NBR1: variants seen among roughly 807,000 people sequenced by gnomAD.
The protein encoded by NBR1 is next to BRCA1 gene 1 protein.
Under a neutral mutation model 115.5 loss-of-function variants are expected in NBR1, and 59 were observed. The ratio of observed to expected loss-of-function variants is 0.51; its 90% CI spans 0.41 to 0.63. The LOEUF is 0.63. Ranked by LOEUF, NBR1 falls within the 30% of genes least tolerant of loss-of-function variation. The probability of loss-of-function intolerance (pLI) is 0.00; values close to 1 mark genes in which losing one functional copy is unlikely to be tolerated. For missense variants in NBR1, 1,043 were observed against 1,150.5 expected (o/e 0.91, Z 1.35); for synonymous variants, 373 against 414.7 (o/e 0.90, Z 1.22).
Position 43,205,906 on chromosome 17 carries a change from G to A in NBR1, c.2727+2120G>A, listed in dbSNP as rs1201481593. On this transcript the variant is annotated intron_variant, in intron 20 of 20. Transcript: ENST00000590996. The stretch of plus-strand genomic sequence containing the variant: ...AAAAAAAAAAAAAAAAAGGCTGGGT[G>A]TGGTGGCTCACGCCTGTAATCTCAA... Among the ~76,000 whole-genome samples the A allele has an allele frequency of 3.3e-5, 5 of 150,222 alleles. No homozygotes were observed. In the East Asian group the frequency reaches 9.8e-4, roughly 30 times the overall value.
Position 43,200,196 on chromosome 17 carries a change from G to A in NBR1, c.2056G>A (p.Gly686Arg), listed in dbSNP as rs2057162622. Reference sequence around the variant, plus strand: ...ATTTGCCTTGCCTGAAGGACCACTTGGAAATGAGAAGGAGGAGATTATCCA... The same window carrying A: ...ATTTGCCTTGCCTGAAGGACCACTTAGAAATGAGAAGGAGGAGATTATCCA... Reference protein sequence around the residue: ...MTFALPEGPLGNEKEEIIHIA... With the variant: ...MTFALPEGPLRNEKEEIIHIA... The change falls in exon 17 of 21, where the codon GGA becomes AGA. Residue 686 changes from glycine to arginine, a missense_variant. Transcript: ENST00000590996. 4 of 1,549,900 alleles carry A rather than the reference G, an allele frequency of 2.6e-6. No homozygotes were observed. The Admixed American group carries it at 7.9e-5, about 30-fold the overall frequency.
chr17:43,209,701 T>C, intron 20 of NBR1, 200 bp from the exon 21 acceptor site: 2 of 1,534,274 alleles, frequency 1.3e-6, no homozygotes, highest in Non-Finnish European at 1.7e-6. Flanking sequence ...CACAGATAAC[T>C]AATCTAAAAT....
chr17:43,193,661 T>C (rs1326650503), intron 12 of NBR1, 23 bp downstream of exon 12: 2 of 1,585,226 alleles, frequency 1.3e-6, no homozygotes, highest in Admixed American at 3.6e-5. Flanking sequence ...TGACAGGCTT[T>C]GGCCTAGTAT....
Position 43,190,791 on chromosome 17 carries a change from A to G in NBR1, c.863+15A>G, listed in dbSNP as rs183182913. 1.3e-5 allele frequency: 20 copies of G among 1,569,850 alleles called. 2 individuals are homozygous for G. The highest frequency in any genetic ancestry group is 6.8e-5 in the African/African-American group (5 of 74,018). On this transcript the variant is annotated intron_variant, in intron 9 of 20. Transcript: ENST00000590996. ...GAACAAGTCAGGTAAAACCCTCTACATGGAGATGCTTATTCTCTGATTGAC... is the reference window on the plus strand; with the variant it reads ...GAACAAGTCAGGTAAAACCCTCTACGTGGAGATGCTTATTCTCTGATTGAC...
chr17:43,206,153 G>A (rs2057311832), intron 20 of NBR1, among the ~76,000 whole-genome samples: 1 of 150,244 alleles, frequency 6.7e-6, no homozygotes, highest in African/African-American at 2.5e-5. Context: ...TTCAGCCTGG[G>A]TGACAGAGCG....
chr17:43,170,759 C>A (rs2056332129), upstream of NBR1: 1 of 152,226 alleles, frequency 6.6e-6, no homozygotes, highest in Non-Finnish European at 1.5e-5. Context: ...ACAATTCTCA[C>A]GGAAATCCAG....
In NBR1 at chr17:43,210,010, T is replaced by C; in HGVS notation, c.2837T>C (p.Ile946Thr). Reference protein sequence around the residue: ...LRLLKKHNYNILQVVTELLQL... With the variant: ...LRLLKKHNYNTLQVVTELLQL... ...CTGCTGAAGAAACACAATTACAATA[T>C]CCTGCAGGTTGTGACAGAACTTCTT... is the stretch of plus-strand genomic sequence containing the variant. Residue 946 changes from isoleucine (I) to threonine (T), a missense_variant, in exon 21 of 21, where the codon ATC becomes ACC. Coordinates refer to ENST00000590996, the MANE Select transcript of NBR1 (RefSeq NM_005899.5). 1 of 1,613,314 alleles carries C rather than the reference T, an allele frequency of 6.2e-7. No homozygotes were observed.
chr17:43,191,783 G>A (rs761240040), intron 10 of NBR1, among the ~76,000 whole-genome samples: 7 of 151,962 alleles, frequency 4.6e-5, no homozygotes, highest in Admixed American at 1.3e-4. Context: ...GTGCAGTGGT[G>A]CGATCTCGGC....
chr17:43,193,933 T>G (rs1028458840), intron 12 of NBR1, among the ~76,000 whole-genome samples: 1 of 152,206 alleles, frequency 6.6e-6, no homozygotes, highest in Admixed American at 6.5e-5. Context: ...TGGGCTGGCC[T>G]GTGGAACTGC....
intron 9 of NBR1, 53 bp from the exon 10 acceptor site, chr17:43,191,319 C>A (rs2056939532): frequency 7.3e-7 from 1 of 1,373,328 alleles, no homozygotes; most frequent in Non-Finnish European, 1.0e-6. Flanking sequence ...CTCCACATAG[C>A]TTCAGAATTT....
At chr17:43,202,779 A>G (rs2057232580) in intron 19 of NBR1, 67 bp downstream of exon 19, 1 of 1,291,964 alleles carries the variant, frequency 7.7e-7, no homozygotes, top group Non-Finnish European at 1.1e-6. Flanking sequence ...TCTGCTTAAA[A>G]GAGCCTCTCA....
At chr17:43,184,406 C>T (rs1427636343) in intron 5 of NBR1, among the ~76,000 whole-genome samples, 3 of 98,182 alleles carry the variant, frequency 3.1e-5, no homozygotes, top group African/African-American at 9.6e-5. Context: ...CACTTTGTTG[C>T]CCAAGCTAGA....
intron 20 of NBR1, among the ~76,000 whole-genome samples, chr17:43,205,877 C>CAAAAAAA (rs71361507): frequency 5.1e-5 from 3 of 58,684 alleles, no homozygotes; most frequent in Non-Finnish European, 3.1e-5. Flanking sequence ...GACCATGTCT[C>CAAAAAAA]AAAAAAAAAA....
rs1384085064 is a variant in NBR1 at position 43,205,287 on chromosome 17, GAGGTTGC to G, written c.2727+1504_2727+1510del. Among the ~76,000 whole-genome samples, 5 of 152,082 alleles carry G rather than the reference GAGGTTGC, an allele frequency of 3.3e-5. No individual in the cohort carries two copies. The South Asian group carries it at 6.2e-4, about 19-fold the overall frequency. Reference sequence around the variant, plus strand: ...GAGAATCACTTGAACCTGGGAGGTGGAGGTTGCAGTGAGCTGAGATTGTGCTACTGCA... The same window carrying G: ...GAGAATCACTTGAACCTGGGAGGTGGAGTGAGCTGAGATTGTGCTACTGCA... On this transcript the variant is annotated intron_variant, in intron 20 of 20. Coordinates refer to ENST00000590996, the MANE Select transcript of NBR1 (RefSeq NM_005899.5).
intron 1 of NBR1, among the ~76,000 whole-genome samples, chr17:43,174,206 T>C (rs976268980): frequency 6.6e-6 from 1 of 152,116 alleles, no homozygotes; most frequent in African/African-American, 2.4e-5. Context: ...AAATTGGTCC[T>C]GAGTTGATAA....
intron 3 of NBR1, among the ~76,000 whole-genome samples, 154 bp from the exon 4 acceptor site, chr17:43,179,240 A>G (rs183510094): frequency 6.6e-6 from 1 of 152,284 alleles, no homozygotes; most frequent in East Asian, 1.9e-4. Flanking sequence ...TAAGCAATAA[A>G]ATTTCTTAAG....
chr17:43,183,209 G>GT (rs2056717204), intron 5 of NBR1, among the ~76,000 whole-genome samples: 1 of 151,100 alleles, frequency 6.6e-6, no homozygotes, highest in Non-Finnish European at 1.5e-5. Flanking sequence ...TTTCTTTGAC[G>GT]TGTGTGTCAT....
intron 6 of NBR1, among the ~76,000 whole-genome samples, chr17:43,186,884 G>A (rs746504563): frequency 2.0e-5 from 3 of 152,170 alleles, no homozygotes; most frequent in Non-Finnish European, 4.4e-5. Context: ...ATTCCATGGT[G>A]TACATGTGCC....
At chr17:43,196,382 C>A (rs972453431) in intron 14 of NBR1, 99 bp from the exon 15 acceptor site, 8 of 696,576 alleles carry the variant, frequency 1.1e-5, no homozygotes, top group Non-Finnish European at 1.8e-5. Context: ...TTTAGCCCTG[C>A]GGGAGGCAAG....
Sources: allele counts gnomAD v4.1 joint callset (sites outside exome capture counted in the v4.1 genomes callset), GRCh38; gene constraint gnomAD v4.1.1; transcripts MANE v1.5; gene names NCBI Gene and HGNC (gene_info 2026-07-23, HGNC 2026-07-21).